HADH: variants seen among roughly 807,000 people sequenced by gnomAD.
HADH encodes hydroxyacyl-CoA dehydrogenase.
In HADH, 24 loss-of-function variants were observed where a neutral mutation model predicts 32.2. The ratio of observed to expected loss-of-function variants is 0.75; its 90% CI spans 0.54 to 1.05. The LOEUF (loss-of-function observed/expected upper bound fraction) is 1.05. Among genes scored for constraint, HADH ranks in the 50% least tolerant of loss-of-function variants. The pLI, the probability that HADH is intolerant of heterozygous loss-of-function variation, is 0.00. For synonymous variants in HADH, 139 were observed against 152.5 expected, an observed-to-expected ratio of 0.91 and a Z score of 0.65; for missense variants, 350 against 397.1, an observed-to-expected ratio of 0.88 and a Z score of 1.01.
At chr4:107,992,199 G>GA (rs924469025) in intron 1 of HADH, among the ~76,000 whole-genome samples, 6 of 151,672 alleles carry the variant, frequency 4.0e-5, no homozygotes, top group South Asian at 2.1e-4. Context: ...AAACTTAAGG[G>GA]AAAAAAAAGC....
chr4:108,029,550 A>T (rs1427212089), intron 6 of HADH: 1 of 152,282 alleles, frequency 6.6e-6, no homozygotes, highest in Admixed American at 6.6e-5. Context: ...GAGCTCTGTG[A>T]CTGTTTCTGA....
At chr4:108,009,242 C>T (rs1250445328) in intron 1 of HADH, among the ~76,000 whole-genome samples, 1 of 152,204 alleles carries the variant, frequency 6.6e-6, no homozygotes, top group Admixed American at 6.5e-5. Flanking sequence ...CAAGGGGCTC[C>T]AGCTCCAAGG....
intron 1 of HADH, among the ~76,000 whole-genome samples, chr4:107,993,472 C>T (rs1195021791): frequency 6.6e-6 from 1 of 152,070 alleles, no homozygotes; most frequent in Non-Finnish European, 1.5e-5. Context: ...AACTTTCTGA[C>T]GTGGTTTTAA....
At chr4:107,994,727 T>G (rs918354971) in intron 1 of HADH, among the ~76,000 whole-genome samples, 2 of 152,228 alleles carry the variant, frequency 1.3e-5, no homozygotes, top group Non-Finnish European at 2.9e-5. Context: ...CTGTTTGTTA[T>G]GAAGTTTTCC....
chr4:107,993,538 C>T (rs776069666), intron 1 of HADH, among the ~76,000 whole-genome samples: 10 of 152,082 alleles, frequency 6.6e-5, no homozygotes, highest in Non-Finnish European at 1.3e-4. Flanking sequence ...ATTTTAAACA[C>T]GTCAGTTTGT....
intron 2 of HADH, among the ~76,000 whole-genome samples, chr4:108,010,126 T>C (rs1198677113): frequency 6.6e-6 from 1 of 151,866 alleles, no homozygotes; most frequent in Non-Finnish European, 1.5e-5. Context: ...GGATTTGAGG[T>C]TGAGAAGAAA....
At chr4:108,029,189 C>T (rs1467699992) in intron 6 of HADH, 5 of 306,584 alleles carry the variant, frequency 1.6e-5, no homozygotes, top group Non-Finnish European at 2.4e-5. Flanking sequence ...CCTGCTCCCT[C>T]CTCTCAGCCA....
intron 6 of HADH, chr4:108,032,171 C>G (rs1050868958): frequency 1.8e-5 from 9 of 511,874 alleles, no homozygotes; most frequent in African/African-American, 1.5e-4. Context: ...TGCTTTGGAA[C>G]AAAATTCTAG....
intron 4 of HADH, among the ~76,000 whole-genome samples, chr4:108,023,181 A>T (rs531678211): frequency 6.6e-6 from 1 of 152,040 alleles, no homozygotes; most frequent in Admixed American, 6.5e-5. Context: ...TTTAGTAGAG[A>T]TAGGGTTTCA....
chr4:108,009,961 C>G, intron 2 of HADH, 74 bp downstream of exon 2: 1 of 835,990 alleles, frequency 1.2e-6, no homozygotes, highest in Non-Finnish European at 1.9e-6. Context: ...TGGGGGATTT[C>G]TGGCTTTCTT....
intron 3 of HADH, 90 bp downstream of exon 3, chr4:108,014,678 G>A (rs1735632601): frequency 8.4e-7 from 1 of 1,195,586 alleles, no homozygotes; most frequent in African/African-American, 1.6e-5. Flanking sequence ...AGATTTGTGA[G>A]TACAAGTGCA....
intron 1 of HADH, among the ~76,000 whole-genome samples, chr4:108,001,038 G>C (rs1012257801): frequency 6.6e-6 from 1 of 152,154 alleles, no homozygotes; most frequent in African/African-American, 2.4e-5. Context: ...AGTACAATAA[G>C]AGCAGTAAAA....
chr4:108,012,993 C>G (rs1020900336), intron 2 of HADH, among the ~76,000 whole-genome samples: 3 of 152,184 alleles, frequency 2.0e-5, no homozygotes, highest in Admixed American at 6.5e-5. Context: ...AGTGCAGTTG[C>G]GCGATGTCGG....
chr4:108,024,463 T>C (rs1735993277), intron 5 of HADH: 2 of 152,204 alleles, frequency 1.3e-5, no homozygotes, highest in South Asian at 4.1e-4. Context: ...TACTAACCCA[T>C]GAAAAATCAT....
rs1209688167 is a variant in HADH, at chr4:108,009,872, T to C, written c.246T>C (p.Phe82=). ...ESLRKVAKKK[F]AENLKAGDEF... ...TTAGGAAAGTGGCAAAGAAGAAGTT[T>C]GCAGAAAACCTTAAGGTAATTTCTT... Residue 82 remains phenylalanine, a synonymous_variant, in exon 2 of 8, where the codon TTT becomes TTC. Transcript: ENST00000309522. 2.5e-5 allele frequency: 40 copies of C among 1,611,300 alleles called. No individual in the cohort carries two copies. The highest frequency in any genetic ancestry group is 3.2e-5 in the Non-Finnish European group (38 of 1,177,578).
At chr4:108,013,164 C>T (rs1001187847) in intron 2 of HADH, among the ~76,000 whole-genome samples, 2 of 152,214 alleles carry the variant, frequency 1.3e-5, no homozygotes, top group Non-Finnish European at 1.5e-5. Context: ...ATCTCCTAAC[C>T]TCGTGATCCG....
At position 107,989,892 on chromosome 4, in the gene HADH, C is replaced by T. The variant is rs1037114786; in HGVS notation, c.-41C>T. On this transcript the variant is annotated 5_prime_UTR_variant, in exon 1 of 8. Coordinates refer to ENST00000309522, the MANE Select transcript of HADH (RefSeq NM_005327.7). ...CGCGGCTGCCCGCCTCGCGCGTCTT[C>T]CCTGCCCGGGTCTCCTCGCTGTCGC... 3.1e-6 allele frequency: 5 copies of T among 1,604,900 alleles called. No individual in the cohort carries two copies. In the African/African-American group the frequency reaches 4.0e-5, roughly 13 times the overall value.
intron 7 of HADH, among the ~76,000 whole-genome samples, 173 bp from the exon 8 acceptor site, chr4:108,034,066 T>C (rs1736371306): frequency 1.3e-5 from 2 of 152,242 alleles, no homozygotes. Context: ...GGGGCTGATG[T>C]GGCTGCACCA....
chr4:108,014,341 C>T lies in HADH; in HGVS notation c.262-90C>T, dbSNP rs1352623282. Reference sequence around the variant, plus strand: ...AGGCCAATACAGGTGCTCTGAACACCCAGTTTGCTAACTGGAGCAGAGCTA... The same window carrying T: ...AGGCCAATACAGGTGCTCTGAACACTCAGTTTGCTAACTGGAGCAGAGCTA... On this transcript the variant is annotated intron_variant, in intron 2 of 7. Coordinates refer to ENST00000309522, the MANE Select transcript of HADH (RefSeq NM_005327.7). 9.7e-6 allele frequency: 14 copies of T among 1,441,960 alleles called. No homozygotes were observed. In the Admixed American group the frequency reaches 2.2e-4, roughly 22 times the overall value. 89.3% of individuals were successfully genotyped at this position (1,441,960 alleles called of 1,614,324 possible). A position where few individuals can be genotyped will look rare whatever the true frequency, so the allele number is the denominator to read the frequency against.
Sources: gnomAD v4.1 joint callset for allele counts (sites outside exome capture counted in the v4.1 genomes callset) on GRCh38, gnomAD v4.1.1 for gene constraint, MANE v1.5 for transcripts, NCBI Gene and HGNC (gene_info 2026-07-23, HGNC 2026-07-21) for gene names.